The following COL16A1 variants were observed in gnomAD, a reference collection of about 807,000 sequenced individuals.
COL16A1 encodes collagen alpha-1(XVI) chain.
In COL16A1, 189 loss-of-function variants were observed where a neutral mutation model predicts 266.3. The ratio of observed to expected loss-of-function variants is 0.71; its 90% CI spans 0.63 to 0.80. The LOEUF (loss-of-function observed/expected upper bound fraction) is 0.80, where lower values mean the gene tolerates loss of function less well. COL16A1 is among the 30% of genes least tolerant of loss of function. The pLI is 0.00. For missense variants in COL16A1, 1,928 were observed against 2,122.4 expected (o/e 0.91, Z 1.80); for synonymous variants, 740 against 782.3 (o/e 0.95, Z 0.90).
At chr1:31,677,298 A>G (rs1643274315) in intron 42 of COL16A1, among the ~76,000 whole-genome samples, 1 of 152,234 alleles carries the variant, frequency 6.6e-6, no homozygotes, top group African/African-American at 2.4e-5. Context: ...CATGCTGGCC[A>G]GGCTGGTCTC....
At position 31,670,053 on chromosome 1, in the gene COL16A1, C is replaced by A. The variant is rs543363106; in HGVS notation, c.3195+549G>T. On this transcript the variant is annotated intron_variant, in intron 49 of 70. Coordinates refer to ENST00000373672, the MANE Select transcript of COL16A1 (RefSeq NM_001856.4). The surrounding 1 kb of genome is among the most constrained non-coding windows in gnomAD (Gnocchi z 4.5). ...AGGGCTGCCTTTAAATCCCTGGGTG[C>A]CTCTGGACAGCCCTGCCAAGCAGCA... The A allele has an allele frequency of 6.6e-6, 1 of 152,632 alleles. No homozygotes were observed. Among genetic ancestry groups the A allele is most frequent in the South Asian group, 2.1e-4 (1 of 4,834 alleles). The allele number at this position is 152,632 out of a possible 1,614,324, so 9.5% of individuals were successfully genotyped here.
In COL16A1 at chr1:31,683,321, C is replaced by T; in HGVS notation, c.2415+13G>A. ...TCCCCTGCTATCCTCCTTCAGGACT[C>T]AGGCAGACGTACCTGAATGCCAGGC... On this transcript the variant is annotated intron_variant, in intron 35 of 70. Coordinates refer to ENST00000373672, the MANE Select transcript of COL16A1 (RefSeq NM_001856.4). The T allele has an allele frequency of 1.2e-6, 2 of 1,614,206 alleles. No individual in the cohort carries two copies. Among genetic ancestry groups the T allele is most frequent in the South Asian group, 2.2e-5 (2 of 91,086 alleles).
intron 43 of COL16A1, 87 bp from the exon 44 acceptor site, chr1:31,675,126 A>G: frequency 6.2e-7 from 1 of 1,610,604 alleles, no homozygotes; most frequent in Non-Finnish European, 8.5e-7. Context: ...GGGACACGTC[A>G]TGCACCTTCC....
chr1:31,671,526 C>A, intron 48 of COL16A1, 89 bp downstream of exon 48: 1 of 1,553,576 alleles, frequency 6.4e-7, no homozygotes, highest in Non-Finnish European at 8.8e-7. Flanking sequence ...CTTGCCCAGC[C>A]TTTTGGGGAC....
intron 13 of COL16A1, 22 bp from the exon 14 acceptor site, chr1:31,692,830 T>A: frequency 6.2e-7 from 1 of 1,612,386 alleles, no homozygotes. Context: ...GAACAAGGGA[T>A]CAGGGGTGGG....
intron 26 of COL16A1, among the ~76,000 whole-genome samples, chr1:31,687,486 G>A (rs578155475): frequency 5.9e-5 from 9 of 151,722 alleles, no homozygotes; most frequent in South Asian, 4.2e-4. Context: ...CAGTGGCCAC[G>A]GGCAGGCCAG....
At chr1:31,690,273 CA>C in intron 22 of COL16A1, 93 bp downstream of exon 22, 2 of 1,570,434 alleles carry the variant, frequency 1.3e-6, no homozygotes. Context: ...GAAGGTCCAG[CA>C]CCCCTAGGCC....
At position 31,654,784 on chromosome 1, in the gene COL16A1, C is replaced by T; in HGVS notation, c.4357+8G>A. 6.2e-7 allele frequency: 1 copy of T among 1,613,952 alleles called. No individual in the cohort carries two copies. The highest frequency in any genetic ancestry group is 8.5e-7 in the Non-Finnish European group (1 of 1,179,994). ...GCACCCACTGCCACCCAGCTGGCTG[C>T]CAGTTACCATCAAACATTTTAATGA... On this transcript the variant is annotated splice_region_variant and intron_variant, in intron 68 of 70. Coordinates refer to ENST00000373672, the MANE Select transcript of COL16A1 (RefSeq NM_001856.4).
chr1:31,675,859 C>T (rs993825000), intron 42 of COL16A1, among the ~76,000 whole-genome samples: 3 of 152,102 alleles, frequency 2.0e-5, no homozygotes, highest in Non-Finnish European at 4.4e-5. Flanking sequence ...GACCAGGTCT[C>T]GCTGGTAGGC....
rs77868621 is a variant in COL16A1 at position 31,691,647 on chromosome 1, G to A, written c.1258-5C>T. ...ACAGATCTCTCCTGGCCGGCCCTGT[G>A]GGGGGATAAGGGGGAGGGTGTACAA... On this transcript the variant is annotated splice_polypyrimidine_tract_variant and splice_region_variant and intron_variant, in intron 17 of 70. Coordinates refer to ENST00000373672, the MANE Select transcript of COL16A1 (RefSeq NM_001856.4). The A allele has an allele frequency of 1.6e-5, 25 of 1,612,540 alleles. No homozygotes were observed. Among genetic ancestry groups the A allele is most frequent in the East Asian group, 6.7e-5 (3 of 44,886 alleles).
Position 31,656,584 on chromosome 1 carries a change from G to C in COL16A1, c.4057-140C>G. Reference sequence around the variant, plus strand: ...GCCCAGCTCTGTGTGAGAAAGGAGCGCAGCCTCCCTGCCCAGCTGGAAGGG... The same window carrying C: ...GCCCAGCTCTGTGTGAGAAAGGAGCCCAGCCTCCCTGCCCAGCTGGAAGGG... On this transcript the variant is annotated intron_variant, in intron 65 of 70. Transcript: ENST00000373672. This position sits in a 1 kb window ranked among gnomAD's most constrained non-coding sequence, Gnocchi z 4.2. The C allele has an allele frequency of 7.5e-7, 1 of 1,334,392 alleles. No homozygotes were observed. Among genetic ancestry groups the C allele is most frequent in the Admixed American group, 2.8e-5 (1 of 35,286 alleles). 82.7% of individuals were successfully genotyped at this position (1,334,392 alleles called of 1,614,324 possible).
chr1:31,668,112 CCCAAACCTCTGGT>C lies in COL16A1; in HGVS notation c.3303+40_3303+52del, dbSNP rs1161029455. The C allele has an allele frequency of 2.7e-5, 42 of 1,529,658 alleles. No homozygotes were observed. Among genetic ancestry groups the C allele is most frequent in the Non-Finnish European group, 3.5e-5 (39 of 1,116,298 alleles). 94.8% of individuals were successfully genotyped at this position (1,529,658 alleles called of 1,614,324 possible). A position where few individuals can be genotyped will look rare whatever the true frequency, so the allele number is the denominator to read the frequency against. On this transcript the variant is annotated intron_variant, in intron 51 of 70. Transcript: ENST00000373672. The surrounding 1 kb of genome is among the most constrained non-coding windows in gnomAD (Gnocchi z 5.8). Reference sequence around the variant, plus strand: ...AGCCTGGCTGTGTCCTGACCACCAGCCCAAACCTCTGGTACCTGGCACCCACTCCCCAGCAAGG... The same window carrying C: ...AGCCTGGCTGTGTCCTGACCACCAGCACCTGGCACCCACTCCCCAGCAAGG...
intron 2 of COL16A1, 23 bp from the exon 3 acceptor site, chr1:31,700,138 G>T (rs773972592): frequency 6.2e-7 from 1 of 1,612,758 alleles, no homozygotes; most frequent in South Asian, 1.1e-5. Flanking sequence ...GGGCAGGGGG[G>T]CATTAGGTGC....
intron 57 of COL16A1, 21 bp downstream of exon 57, chr1:31,662,566 G>T: frequency 6.4e-7 from 1 of 1,560,502 alleles, no homozygotes; most frequent in Non-Finnish European, 8.7e-7. Context: ...CGTCTGCCAC[G>T]CTGAAAGGGC....
chr1:31,675,216 G>T (rs1643082714), intron 43 of COL16A1, 42 bp downstream of exon 43: 1 of 1,613,926 alleles, frequency 6.2e-7, no homozygotes, highest in Non-Finnish European at 8.5e-7. Flanking sequence ...CCTGGGAAGG[G>T]CAGGGAAGGG....
In COL16A1 at chr1:31,670,724, T is replaced by C; in HGVS notation, c.3151-78A>G. On this transcript the variant is annotated intron_variant, in intron 48 of 70. Coordinates refer to ENST00000373672, the MANE Select transcript of COL16A1 (RefSeq NM_001856.4). This position sits in a 1 kb window ranked among gnomAD's most constrained non-coding sequence, Gnocchi z 4.5. Reference sequence around the variant, plus strand: ...AGCCTGGAGGGCACAGTCTGGGGCTTGGGGGTCATGGGGAGAGGAGGTCAT... The same window carrying C: ...AGCCTGGAGGGCACAGTCTGGGGCTCGGGGGTCATGGGGAGAGGAGGTCAT... The C allele has an allele frequency of 8.3e-7, 1 of 1,206,612 alleles. No individual in the cohort carries two copies. The highest frequency in any genetic ancestry group is 2.0e-5 in the South Asian group (1 of 49,598). 74.7% of individuals were successfully genotyped at this position (1,206,612 alleles called of 1,614,324 possible).
At chr1:31,690,829 G>C (rs193074987) in intron 20 of COL16A1, among the ~76,000 whole-genome samples, 1 of 152,152 alleles carries the variant, frequency 6.6e-6, no homozygotes, top group African/African-American at 2.4e-5. Flanking sequence ...GGTGATCCGC[G>C]TGACCCCAGC....
At chr1:31,701,295 G>T in intron 2 of COL16A1, 1 of 984,854 alleles carries the variant, frequency 1.0e-6, no homozygotes, top group South Asian at 4.7e-5. Context: ...ATCCCCCCCA[G>T]GGGACCCAGT....
chr1:31,683,673 G>T (rs772735680), intron 34 of COL16A1, 34 bp downstream of exon 34: 1 of 1,614,040 alleles, frequency 6.2e-7, no homozygotes, highest in Non-Finnish European at 8.5e-7. Flanking sequence ...TGGAAGTGCT[G>T]AGAGGACAGG....
Sources: allele counts gnomAD v4.1 joint callset (sites outside exome capture counted in the v4.1 genomes callset), GRCh38; gene constraint gnomAD v4.1.1; non-coding constraint Gnocchi (gnomAD v3.1); transcripts MANE v1.5; gene names NCBI Gene and HGNC (gene_info 2026-07-23, HGNC 2026-07-21).